TMCO4: variants seen among roughly 807,000 people sequenced by gnomAD.
The protein encoded by TMCO4 is transmembrane and coiled-coil domain-containing protein 4.
TMCO4 carries 58 observed loss-of-function variants against 64.7 expected under a neutral mutation model. That is an observed-to-expected ratio of 0.90 (90% CI 0.73 to 1.12). The LOEUF (loss-of-function observed/expected upper bound fraction) is 1.12, where lower values mean the gene tolerates loss of function less well. Among genes scored for constraint, TMCO4 ranks in the 50% most tolerant of loss-of-function variants. The probability of loss-of-function intolerance (pLI) is 0.00; values close to 1 mark genes in which losing one functional copy is unlikely to be tolerated. For synonymous variants in TMCO4, 325 were observed against 346.1 expected (o/e 0.94, Z 0.68); for missense variants, 780 against 825.9 (o/e 0.94, Z 0.68).
Position 19,780,709 on chromosome 1 carries a change from ACCAGAGGCTGCTGAGGCAGCC to A in TMCO4, c.29_49del (p.Arg10_Val17delinsIle), listed in dbSNP as rs779820244. 6.2e-7 allele frequency: 1 copy of A among 1,611,102 alleles called. No homozygotes were observed. Among genetic ancestry groups the A allele is most frequent in the South Asian group, 1.1e-5 (1 of 90,756 alleles). On this transcript the variant is annotated inframe_deletion, in exon 4 of 16. Transcript: ENST00000294543. Reference sequence around the variant, plus strand: ...CTCCCCCTCTGCAGTGGGCTCAGCTACCAGAGGCTGCTGAGGCAGCCTCTGGCATGGCCTGTTCCACATGGC... The same window carrying A: ...CTCCCCCTCTGCAGTGGGCTCAGCTATCTGGCATGGCCTGTTCCACATGGC...
At position 19,747,190 on chromosome 1, in the gene TMCO4, C is replaced by T. The variant is rs761934478; in HGVS notation, c.586G>A (p.Ala196Thr). ...ATCACCGTTCCGCCTCCGACAGTCG[C>T]CAGGCCTATCAGGAGATAACGCTTC... is the stretch of plus-strand genomic sequence containing the variant. ...KWKRYLLIGL[A>T]TVGGGTVIGV... The change falls in exon 8 of 16, where the codon GCG (alanine) becomes ACG (threonine). Residue 196 changes from alanine (A) to threonine (T), a missense_variant. By Grantham distance (58) the Ala-to-Thr change is moderately conservative. Transcript: ENST00000294543. 4 of 1,614,068 alleles carry T rather than the reference C, an allele frequency of 2.5e-6. No individual in the cohort carries two copies. Among genetic ancestry groups the T allele is most frequent in the Non-Finnish European group, 3.4e-6 (4 of 1,179,970 alleles).
intron 6 of TMCO4, among the ~76,000 whole-genome samples, chr1:19,767,181 C>T (rs1264151639): frequency 6.6e-6 from 1 of 152,214 alleles, no homozygotes; most frequent in African/African-American, 2.4e-5. Flanking sequence ...TCCAGCTCTG[C>T]CACTTACTAG....
At chr1:19,721,063 C>A (rs368540991) in intron 13 of TMCO4, among the ~76,000 whole-genome samples, 1 of 152,136 alleles carries the variant, frequency 6.6e-6, no homozygotes, top group Non-Finnish European at 1.5e-5. Context: ...TCTCTCCAAC[C>A]TCAGAGGAAT....
At chr1:19,705,648 C>T (rs1434422226) in intron 13 of TMCO4, among the ~76,000 whole-genome samples, 1 of 151,884 alleles carries the variant, frequency 6.6e-6, no homozygotes, top group Admixed American at 6.6e-5. Context: ...GACAAGCTTG[C>T]CTTAGACCCA....
At chr1:19,748,823 C>T (rs563389257) in intron 7 of TMCO4, among the ~76,000 whole-genome samples, 1 of 93,508 alleles carries the variant, frequency 1.1e-5, no homozygotes, top group Admixed American at 1.2e-4. Flanking sequence ...GACCCTGTCT[C>T]GAATGAATGA....
In TMCO4 at chr1:19,756,681, C is replaced by A. The variant is rs75491342; in HGVS notation, c.383-915G>T. On this transcript the variant is annotated intron_variant, in intron 6 of 15. Transcript: ENST00000294543. ...AATAACTTTCAAAAATAAGTTCTTA[C>A]CCAGAAGAATTTATGGCTAAGATAA... Among the ~76,000 whole-genome samples the A allele has an allele frequency of 8.0e-3, 1,218 of 152,052 alleles. 18 individuals are homozygous for A. The highest frequency in any genetic ancestry group is 0.028 in the African/African-American group (1,159 of 41,458).
intron 15 of TMCO4, among the ~76,000 whole-genome samples, chr1:19,691,864 C>G (rs1220760514): frequency 1.3e-5 from 2 of 152,140 alleles, no homozygotes; most frequent in Non-Finnish European, 2.9e-5. Flanking sequence ...TGGTTTCCCC[C>G]AACCTGTTCT....
chr1:19,703,633 C>T (rs534780750), intron 13 of TMCO4, among the ~76,000 whole-genome samples: 18 of 151,522 alleles, frequency 1.2e-4, no homozygotes, highest in Admixed American at 2.0e-4. Flanking sequence ...CTGCAAATTC[C>T]ACCCCCCAGG....
At chr1:19,730,008 G>C (rs189170505) in intron 13 of TMCO4, among the ~76,000 whole-genome samples, 1 of 152,160 alleles carries the variant, frequency 6.6e-6, no homozygotes, top group Admixed American at 6.5e-5. Flanking sequence ...GCTCTTGTGA[G>C]AATTAAACAA....
intron 7 of TMCO4, among the ~76,000 whole-genome samples, chr1:19,749,881 G>A (rs1173449158): frequency 1.3e-5 from 2 of 152,010 alleles, no homozygotes; most frequent in South Asian, 2.1e-4. Flanking sequence ...TTATTTGGGG[G>A]TCACTTGTTA....
At chr1:19,725,081 T>C (rs2095402846) in intron 13 of TMCO4, among the ~76,000 whole-genome samples, 1 of 152,204 alleles carries the variant, frequency 6.6e-6, no homozygotes, top group Non-Finnish European at 1.5e-5. Flanking sequence ...CTGGTTGCAA[T>C]GATCCTTGCA....
At chr1:19,746,409 C>A in intron 9 of TMCO4, 47 bp downstream of exon 9, 1 of 1,608,548 alleles carries the variant, frequency 6.2e-7, no homozygotes, top group Non-Finnish European at 8.5e-7. Flanking sequence ...AACTGGGCCA[C>A]CCTGGCTGAA....
intron 14 of TMCO4, among the ~76,000 whole-genome samples, chr1:19,699,571 G>A (rs2100606141): frequency 6.6e-6 from 1 of 151,338 alleles, no homozygotes; most frequent in Admixed American, 6.6e-5. Flanking sequence ...CAATGCTGAT[G>A]TGCAAGCCCC....
intron 13 of TMCO4, among the ~76,000 whole-genome samples, chr1:19,728,550 A>G (rs2095417736): frequency 1.3e-5 from 2 of 152,226 alleles, no homozygotes; most frequent in African/African-American, 2.4e-5. Context: ...TCTGAGGCCA[A>G]TTGCTGTCAA....
intron 6 of TMCO4, among the ~76,000 whole-genome samples, chr1:19,760,230 G>C (rs2042439040): frequency 6.6e-6 from 1 of 151,780 alleles, no homozygotes; most frequent in Admixed American, 6.6e-5. Context: ...CAAACTCCTA[G>C]CCTCAAGCAA....
chr1:19,702,285 C>CAAAAAAA lies in TMCO4; in HGVS notation c.1265-1407_1265-1401dup, dbSNP rs71010505. On this transcript the variant is annotated intron_variant, in intron 13 of 15. Transcript: ENST00000294543. ...TGCCTGGCCGAGACTCTTGTCTTTA[C>CAAAAAAA]AAAAAAAAAAAAAAAAAAAGTCAGG... Among the ~76,000 whole-genome samples, 40 of 102,872 alleles carry CAAAAAAA rather than the reference C, an allele frequency of 3.9e-4. 1 individual carries two copies. The highest frequency in any genetic ancestry group is 5.8e-4 in the African/African-American group (17 of 29,084). 67.5% of individuals were successfully genotyped at this position (102,872 alleles called of 152,430 possible). A position where few individuals can be genotyped will look rare whatever the true frequency, so the allele number is the denominator to read the frequency against.
intron 15 of TMCO4, among the ~76,000 whole-genome samples, chr1:19,692,016 C>T (rs889737457): frequency 2.0e-5 from 3 of 152,168 alleles, no homozygotes; most frequent in African/African-American, 7.2e-5. Context: ...TCCCCAGCCA[C>T]GTGAAATTGA....
At chr1:19,694,651 G>A in intron 14 of TMCO4, 100 bp from the exon 15 acceptor site, 1 of 1,051,022 alleles carries the variant, frequency 9.5e-7, no homozygotes, top group Non-Finnish European at 1.4e-6. Flanking sequence ...AGGTGGGAAT[G>A]GAGCTTCTGG....
At chr1:19,704,400 A>G (rs973857477) in intron 13 of TMCO4, among the ~76,000 whole-genome samples, 3 of 152,190 alleles carry the variant, frequency 2.0e-5, no homozygotes, top group African/African-American at 7.2e-5. Flanking sequence ...AGGGTCAGAG[A>G]GGGGATGGGG....
Sources: gnomAD v4.1 joint callset for allele counts (sites outside exome capture counted in the v4.1 genomes callset) on GRCh38, gnomAD v4.1.1 for gene constraint, MANE v1.5 for transcripts, NCBI Gene and HGNC (gene_info 2026-07-23, HGNC 2026-07-21) for gene names.